SGCD: variants seen among roughly 807,000 people sequenced by gnomAD.
SGCD encodes sarcoglycan delta.
A neutral mutation model predicts 36.6 loss-of-function variants in SGCD; 18 were observed. That is an observed-to-expected ratio of 0.49 (90% CI 0.34 to 0.73). SGCD has a LOEUF of 0.73. SGCD is among the 30% of genes least tolerant of loss of function. The probability of loss-of-function intolerance (pLI) is 0.01; values close to 1 mark genes in which losing one functional copy is unlikely to be tolerated. For missense variants in SGCD, 387 were observed against 346.7 expected (o/e 1.12, Z -0.92); for synonymous variants, 133 against 130.6 (o/e 1.02, Z -0.12).
rs80111446 is a variant in SGCD at position 156,492,150 on chromosome 5, G to A, written c.193-16451G>A. On this transcript the variant is annotated intron_variant, in intron 3 of 8. Transcript: ENST00000337851. ...TAACATGTATGAATCCTTTTTGAAA[G>A]TTACTTTTAATTCATTGTCATTCTC... Among the ~76,000 whole-genome samples the A allele has an allele frequency of 9.4e-3, 1,424 of 152,224 alleles. 14 individuals carry two copies. The highest frequency in any genetic ancestry group is 0.032 in the African/African-American group (1,331 of 41,538).
chr5:155,735,834 A>G, the SGCD span, among the ~76,000 whole-genome samples: 1 of 152,128 alleles, frequency 6.6e-6, no homozygotes, highest in Non-Finnish European at 1.5e-5. Context: ...TTGGATTCAC[A>G]GTCTAGTTTT....
intron 1 of SGCD, among the ~76,000 whole-genome samples, chr5:155,923,526 A>G (rs1042361803): frequency 1.3e-5 from 2 of 152,196 alleles, no homozygotes; most frequent in Admixed American, 1.3e-4. Flanking sequence ...TCTTTATATA[A>G]CAGGCTCCTT....
rs776733082 is a variant in SGCD at position 156,013,024 on chromosome 5, G to GTT, written c.-281-104841_-281-104840dup. On this transcript the variant is annotated intron_variant, in intron 1 of 9. Transcript: ENST00000517913. Reference sequence around the variant, plus strand: ...TTTCCATATAGCTGGACATTTAGGTGTTTTTTTTTTTTTTCTTTTGTGATG... The same window carrying GTT: ...TTTCCATATAGCTGGACATTTAGGTGTTTTTTTTTTTTTTTTCTTTTGTGATG... Among the ~76,000 whole-genome samples, 659 of 137,408 alleles carry GTT rather than the reference G, an allele frequency of 4.8e-3. 8 individuals carry two copies. Among genetic ancestry groups the GTT allele is most frequent in the African/African-American group, 0.016 (611 of 37,528 alleles). The allele number at this position is 137,408 out of a possible 152,430, so 90.1% of individuals were successfully genotyped here.
chr5:156,331,246 G>A (rs1431461118), intron 2 of SGCD, among the ~76,000 whole-genome samples: 1 of 152,164 alleles, frequency 6.6e-6, no homozygotes, highest in Non-Finnish European at 1.5e-5. Flanking sequence ...CACACAGAAA[G>A]GTCTTCATTA....
intron 3 of SGCD, among the ~76,000 whole-genome samples, chr5:156,466,160 A>T (rs1754712703): frequency 6.6e-6 from 1 of 152,190 alleles, no homozygotes; most frequent in South Asian, 2.1e-4. Context: ...GAAAACGCCA[A>T]GTCATATATT....
intron 3 of SGCD, among the ~76,000 whole-genome samples, chr5:156,269,576 T>C (rs1221706849): frequency 1.4e-5 from 2 of 147,680 alleles, no homozygotes; most frequent in African/African-American, 4.9e-5. Context: ...GCCCCTATGA[T>C]TCAACTACCT....
chr5:156,577,729 G>A (rs1051545539), intron 4 of SGCD, among the ~76,000 whole-genome samples: 2 of 152,124 alleles, frequency 1.3e-5, no homozygotes, highest in African/African-American at 4.8e-5. Context: ...TCTATTATTG[G>A]TGTATAGGAA....
At chr5:156,725,383 G>C (rs888983205) in intron 7 of SGCD, among the ~76,000 whole-genome samples, 1 of 152,194 alleles carries the variant, frequency 6.6e-6, no homozygotes, top group Non-Finnish European at 1.5e-5. Context: ...AAAACCACTT[G>C]AGCATCTGAG....
At chr5:156,038,366 A>C (rs1348093978) in intron 1 of SGCD, among the ~76,000 whole-genome samples, 1 of 152,098 alleles carries the variant, frequency 6.6e-6, no homozygotes, top group Non-Finnish European at 1.5e-5. Context: ...ATGGGATAGC[A>C]TAAAGTAGGT....
At chr5:156,555,206 A>C (rs948588641) in intron 4 of SGCD, among the ~76,000 whole-genome samples, 1 of 152,000 alleles carries the variant, frequency 6.6e-6, no homozygotes, top group African/African-American at 2.4e-5. Context: ...TTTTGCCCTG[A>C]AGTGTTTTTA....
intron 1 of SGCD, among the ~76,000 whole-genome samples, chr5:156,023,985 C>G (rs1311396564): frequency 1.3e-5 from 2 of 152,154 alleles, no homozygotes; most frequent in East Asian, 1.9e-4. Context: ...GCTCTTAGGA[C>G]AGGTCACCAG....
intron 7 of SGCD, among the ~76,000 whole-genome samples, chr5:156,717,276 G>A (rs1462871050): frequency 6.6e-6 from 1 of 152,148 alleles, no homozygotes; most frequent in Non-Finnish European, 1.5e-5. Flanking sequence ...TCCATTGCTT[G>A]GAGATAAGAT....
intron 6 of SGCD, among the ~76,000 whole-genome samples, chr5:156,628,736 G>C (rs1251976456): frequency 6.6e-6 from 1 of 152,186 alleles, no homozygotes; most frequent in Non-Finnish European, 1.5e-5. Flanking sequence ...ACTCAATAAA[G>C]GGGCTGCATG....
In SGCD at chr5:156,606,721, A is replaced by C. The variant is rs144604523; in HGVS notation, c.502+11670A>C. The stretch of plus-strand genomic sequence containing the variant: ...ATTTCTTTGTATCCTCTTTTATTTC[A>C]TTGAGCAGTGGTTTGTAGTTCTCCT... On this transcript the variant is annotated intron_variant, in intron 6 of 8. Transcript: ENST00000337851. Among the ~76,000 whole-genome samples the C allele has an allele frequency of 1.2e-3, 190 of 152,062 alleles. 1 individual carries two copies. The highest frequency in any genetic ancestry group is 1.8e-3 in the Non-Finnish European group (122 of 67,960).
At chr5:156,230,971 C>G (rs748981574) in intron 3 of SGCD, among the ~76,000 whole-genome samples, 1 of 152,036 alleles carries the variant, frequency 6.6e-6, no homozygotes, top group Non-Finnish European at 1.5e-5. Flanking sequence ...ATTTCATCTT[C>G]TCAACGTTAA....
At chr5:156,446,866 C>T (rs1040934676) in intron 3 of SGCD, among the ~76,000 whole-genome samples, 16 of 152,064 alleles carry the variant, frequency 1.1e-4, no homozygotes, top group Non-Finnish European at 7.4e-5. Flanking sequence ...ATCTATAAGC[C>T]CTCCTCTCCA....
intron 1 of SGCD, among the ~76,000 whole-genome samples, chr5:155,889,478 G>A (rs1382790734): frequency 6.6e-6 from 1 of 152,140 alleles, no homozygotes; most frequent in African/African-American, 2.4e-5. Context: ...GATTCAGGAG[G>A]TGGTAATTAA....
chr5:156,249,171 A>G (rs1273881886), intron 3 of SGCD, among the ~76,000 whole-genome samples: 1 of 152,188 alleles, frequency 6.6e-6, no homozygotes, highest in Non-Finnish European at 1.5e-5. Flanking sequence ...GTCACACAAG[A>G]GATTTGAGGA....
chr5:155,910,286 A>G (rs1756604125), intron 1 of SGCD, among the ~76,000 whole-genome samples: 1 of 152,160 alleles, frequency 6.6e-6, no homozygotes, highest in African/African-American at 2.4e-5. Context: ...CTAAATAAGA[A>G]AGTTTGAAAA....
Sources: gnomAD v4.1 joint callset for allele counts (sites outside exome capture counted in the v4.1 genomes callset) on GRCh38, gnomAD v4.1.1 for gene constraint, MANE v1.5 for transcripts, NCBI Gene and HGNC (gene_info 2026-07-23, HGNC 2026-07-21) for gene names.